Variants in DNAH6 observed in about 807,000 individuals in gnomAD.
The protein encoded by DNAH6 is axonemal beta dynein heavy chain 6.
In DNAH6, 340 loss-of-function variants were observed where a neutral mutation model predicts 491.4. The observed-to-expected ratio is 0.69, with a 90% CI of 0.63 to 0.76. DNAH6 has a LOEUF of 0.76. Among genes scored for constraint, DNAH6 ranks in the 30% least tolerant of loss-of-function variants. DNAH6 has a pLI of 0.00. For synonymous variants in DNAH6, 1,603 were observed against 1,686.1 expected (o/e 0.95, Z 1.21); for missense variants, 4,443 against 4,972.2 (o/e 0.89, Z 3.20).
In DNAH6 at chr2:84,606,463, T is replaced by C. The variant is rs542223996; in HGVS notation, c.3175-513T>C. Among the ~76,000 whole-genome samples, 31 of 152,234 alleles carry C rather than the reference T, an allele frequency of 2.0e-4. 1 individual carries two copies. In the South Asian group the frequency reaches 3.1e-3, roughly 15 times the overall value. On this transcript the variant is annotated intron_variant, in intron 20 of 76. Transcript: ENST00000389394. Reference sequence around the variant, plus strand: ...ACATGCTCCGTGAGAGATGCTGTTGTATAAAGGGGAGTAGTAGGGGAGGGA... The same window carrying C: ...ACATGCTCCGTGAGAGATGCTGTTGCATAAAGGGGAGTAGTAGGGGAGGGA...
chr2:84,617,023 T>C (rs1686919440), intron 23 of DNAH6, 41 bp downstream of exon 23: 2 of 1,098,362 alleles, frequency 1.8e-6, no homozygotes, highest in Non-Finnish European at 2.6e-6. Flanking sequence ...TTAGTAGTTA[T>C]GACTGTCAAT....
chr2:84,795,052 A>T (rs1187110183), intron 68 of DNAH6, among the ~76,000 whole-genome samples: 3 of 148,404 alleles, frequency 2.0e-5, no homozygotes, highest in Non-Finnish European at 4.5e-5. Context: ...ATTGGAAATC[A>T]TCATTCTCAG....
rs913583503 is a variant in DNAH6, at chr2:84,709,469, G to T, written c.9175G>T (p.Asp3059Tyr). 5.2e-6 allele frequency: 8 copies of T among 1,551,536 alleles called. No individual in the cohort carries two copies. In the African/African-American group the frequency reaches 9.6e-5, roughly 19 times the overall value. Residue 3059 changes from aspartate (D) to tyrosine (Y), a missense_variant, in exon 55 of 77, where the codon GAC becomes TAC. By Grantham distance (160) the Asp-to-Tyr change is radical. Around this residue, in one of 3 missense-constraint regions of DNAH6, gnomAD observed 1,463 missense variants for 1,656.6 expected, o/e 0.88. Coordinates refer to ENST00000389394, the MANE Select transcript of DNAH6 (RefSeq NM_001370.2). The stretch of plus-strand genomic sequence containing the variant: ...GTGGAACACTGATGGGCTGCCCCGT[G>T]ACTTGATATCAACAGAAAATGGCAT... ...RQWNTDGLPR[D>Y]LISTENGILV...
chr2:84,747,352 C>T (rs757645720), intron 63 of DNAH6, among the ~76,000 whole-genome samples: 7 of 152,188 alleles, frequency 4.6e-5, no homozygotes, highest in Non-Finnish European at 8.8e-5. Flanking sequence ...CATTCCTATT[C>T]CAAAAGGGAG....
At chr2:84,815,305 A>G (rs1680378453) in intron 75 of DNAH6, among the ~76,000 whole-genome samples, 1 of 152,144 alleles carries the variant, frequency 6.6e-6, no homozygotes, top group African/African-American at 2.4e-5. Context: ...CCAATTATCC[A>G]AAGACCTCGG....
chr2:84,658,250 A>G, intron 35 of DNAH6, 42 bp from the exon 36 acceptor site: 1 of 1,324,896 alleles, frequency 7.5e-7, no homozygotes, highest in Non-Finnish European at 1.0e-6. Flanking sequence ...TTAATTATAT[A>G]TTTATCAGGT....
intron 29 of DNAH6, among the ~76,000 whole-genome samples, chr2:84,627,514 G>A (rs1278234697): frequency 6.6e-6 from 1 of 152,152 alleles, no homozygotes; most frequent in Non-Finnish European, 1.5e-5. Flanking sequence ...TGATAAAACT[G>A]ATCATGGCTT....
At position 84,707,502 on chromosome 2, in the gene DNAH6, T is replaced by A; in HGVS notation, c.8852-18T>A. ...AAATATTTAATAGTATAATCTGATT[T>A]TCTTAAAATTTTTCTAGCAAAGACC... On this transcript the variant is annotated intron_variant, in intron 53 of 76. Coordinates refer to ENST00000389394, the MANE Select transcript of DNAH6 (RefSeq NM_001370.2). 1.3e-6 allele frequency: 2 copies of A among 1,528,846 alleles called. No homozygotes were observed. Among genetic ancestry groups the A allele is most frequent in the Non-Finnish European group, 1.8e-6 (2 of 1,138,856 alleles). 94.7% of individuals were successfully genotyped at this position (1,528,846 alleles called of 1,614,324 possible).
In DNAH6 at chr2:84,653,770, C is replaced by A. The variant is rs573670939; in HGVS notation, c.5530C>A (p.Leu1844Ile). 1.3e-6 allele frequency: 2 copies of A among 1,551,356 alleles called. No individual in the cohort carries two copies. Among genetic ancestry groups the A allele is most frequent in the African/African-American group, 2.7e-5 (2 of 73,108 alleles). The change falls in exon 34 of 77, where the codon CTT (leucine) becomes ATT (isoleucine). Residue 1844 changes from leucine to isoleucine, a missense_variant. Physicochemically the swap from Leu to Ile is conservative, Grantham distance 5 (BLOSUM62 2). Around this residue, in one of 3 missense-constraint regions of DNAH6, gnomAD observed 2,977 missense variants for 3,296.6 expected, o/e 0.90. Transcript: ENST00000389394. ...WIISDGPVDA[L>I]WIENMNTVLD... is the part of the protein sequence containing the mutation. ...CATCAGTGATGGGCCAGTAGATGCTCTTTGGATTGAAAACATGAATACAGT... is the reference window on the plus strand; with the variant it reads ...CATCAGTGATGGGCCAGTAGATGCTATTTGGATTGAAAACATGAATACAGT...
At chr2:84,606,317 CAA>C (rs1447178510) in intron 20 of DNAH6, among the ~76,000 whole-genome samples, 1 of 152,134 alleles carries the variant, frequency 6.6e-6, no homozygotes, top group Non-Finnish European at 1.5e-5. Flanking sequence ...AGAGCAGACT[CAA>C]AGAGGTCAGT....
At chr2:84,760,673 G>A (rs1038957627) in intron 63 of DNAH6, among the ~76,000 whole-genome samples, 2 of 152,160 alleles carry the variant, frequency 1.3e-5, no homozygotes, top group Admixed American at 1.3e-4. Flanking sequence ...GAGTGAAGAT[G>A]CAGAGAAAAG....
chr2:84,800,223 C>T (rs1372017663), intron 70 of DNAH6, among the ~76,000 whole-genome samples: 1 of 151,948 alleles, frequency 6.6e-6, no homozygotes, highest in Non-Finnish European at 1.5e-5. Context: ...CAGTCATATC[C>T]TCCAGGAAAA....
intron 42 of DNAH6, among the ~76,000 whole-genome samples, chr2:84,683,432 T>A (rs1184397529): frequency 7.0e-6 from 1 of 143,454 alleles, no homozygotes; most frequent in African/African-American, 2.7e-5. Context: ...TTTTTTTTTT[T>A]TTTTTTTGAG....
chr2:84,487,238 A>G, the DNAH6 span, among the ~76,000 whole-genome samples: 68 of 152,354 alleles, frequency 4.5e-4, no homozygotes, highest in South Asian at 1.5e-3. Flanking sequence ...GGCAACATTT[A>G]TATCTACCCA....
chr2:84,697,905 TC>T, intron 47 of DNAH6, 178 bp downstream of exon 47: 1 of 652,402 alleles, frequency 1.5e-6, no homozygotes, highest in Non-Finnish European at 2.6e-6. Context: ...TCACCAGACT[TC>T]CAGAAAGTTC....
chr2:84,637,675 A>G (rs1049303048), intron 31 of DNAH6, among the ~76,000 whole-genome samples: 2 of 152,206 alleles, frequency 1.3e-5, no homozygotes, highest in Admixed American at 6.5e-5. Context: ...AGGAATTAAA[A>G]TGTCTGGATT....
At position 84,640,514 on chromosome 2, in the gene DNAH6, C is replaced by G. The variant is rs772109993; in HGVS notation, c.4906C>G (p.Leu1636Val). The G allele has an allele frequency of 4.5e-6, 7 of 1,551,038 alleles. No homozygotes were observed. The highest frequency in any genetic ancestry group is 6.1e-6 in the Non-Finnish European group (7 of 1,146,632). ...TQMYKLCSEQ[L>V]SQQDHYDFGM... ...GATGTATAAGCTTTGCAGTGAGCAG[C>G]TGTCTCAGCAGGATCACTACGACTT... The change falls in exon 32 of 77, where the codon CTG becomes GTG. Residue 1636 changes from leucine (L) to valine (V), a missense_variant. Leu to Val is a conservative substitution (Grantham distance 32). Around this residue, in one of 3 missense-constraint regions of DNAH6, gnomAD observed 2,977 missense variants for 3,296.6 expected, o/e 0.90. Coordinates refer to ENST00000389394, the MANE Select transcript of DNAH6 (RefSeq NM_001370.2).
At chr2:84,549,409 A>C (rs1679106970) in intron 8 of DNAH6, among the ~76,000 whole-genome samples, 1 of 152,246 alleles carries the variant, frequency 6.6e-6, no homozygotes, top group Admixed American at 6.5e-5. Flanking sequence ...CTCAGTCTGC[A>C]TTCTAAGTAA....
intron 29 of DNAH6, among the ~76,000 whole-genome samples, chr2:84,633,118 A>T (rs1209182193): frequency 6.6e-6 from 1 of 152,204 alleles, no homozygotes; most frequent in East Asian, 1.9e-4. Flanking sequence ...CCAGTAAGTG[A>T]GAAAGCCCAC....
Sources: allele counts gnomAD v4.1 joint callset (sites outside exome capture counted in the v4.1 genomes callset), GRCh38; gene constraint gnomAD v4.1.1; regional missense constraint gnomAD v4.1.1; transcripts MANE v1.5; gene names NCBI Gene and HGNC (gene_info 2026-07-23, HGNC 2026-07-21).